The following PHKG2 variants were observed in gnomAD, a reference collection of about 807,000 sequenced individuals.
PHKG2 encodes the protein phosphorylase b kinase gamma catalytic chain, liver/testis isoform.
In PHKG2, 28 loss-of-function variants were observed where a neutral mutation model predicts 44.5. That is an observed-to-expected ratio of 0.63 (90% CI 0.47 to 0.86). The LOEUF (loss-of-function observed/expected upper bound fraction) is 0.86. Among genes scored for constraint, PHKG2 ranks in the 40% least tolerant of loss-of-function variants. The pLI is 0.00. For synonymous variants in PHKG2, 220 were observed against 211.2 expected (o/e 1.04, Z -0.36); for missense variants, 498 against 547.5 (o/e 0.91, Z 0.90).
At chr16:30,753,017 C>T (rs2151307936) in intron 4 of PHKG2, 2 of 593,904 alleles carry the variant, frequency 3.4e-6, no homozygotes, top group Admixed American at 2.8e-5. Context: ...TTATTTTTGC[C>T]ATAATTGCCC....
Position 30,760,529 on chromosome 16 carries a change from A to G in PHKG2, c.*3432A>G, listed in dbSNP as rs986862898. 6.2e-7 allele frequency: 1 copy of G among 1,606,834 alleles called. No homozygotes were observed. Among genetic ancestry groups the G allele is most frequent in the African/African-American group, 1.3e-5 (1 of 74,686 alleles). ...TACACCCACCACATGCTTTGGAGTC[A>G]GCCATTCCTCATGTTTTCCCAACCT... On this transcript the variant is annotated 3_prime_UTR_variant, in exon 10 of 10. Coordinates refer to ENST00000563588, the MANE Select transcript of PHKG2 (RefSeq NM_000294.3).
In PHKG2 at chr16:30,751,616, C is replaced by A; in HGVS notation, c.326+13C>A. On this transcript the variant is annotated intron_variant, in intron 4 of 9. Coordinates refer to ENST00000563588, the MANE Select transcript of PHKG2 (RefSeq NM_000294.3). ...TGGTGTTTGACCTGTGAGTATCTCC[C>A]TGCCACCATCTGAGAAGCCTCCTCC... is the stretch of plus-strand genomic sequence containing the variant. 5 of 1,608,300 alleles carry A rather than the reference C, an allele frequency of 3.1e-6. No homozygotes were observed. Among genetic ancestry groups the A allele is most frequent in the Non-Finnish European group, 4.3e-6 (5 of 1,174,682 alleles).
intron 3 of PHKG2, 50 bp downstream of exon 3, chr16:30,751,331 C>T (rs754494810): frequency 6.3e-7 from 1 of 1,581,874 alleles, no homozygotes; most frequent in Non-Finnish European, 8.6e-7. Context: ...CCACCTCCTG[C>T]TGGCCCTGCC....
chr16:30,748,619 T>A, intron 1 of PHKG2, 129 bp downstream of exon 1: 6 of 516,648 alleles, frequency 1.2e-5, no homozygotes, highest in Non-Finnish European at 1.4e-5. Context: ...CTCCCTGCCC[T>A]GCCATCCTCC....
Position 30,753,423 on chromosome 16 carries a change from T to C in PHKG2, c.422T>C (p.Val141Ala), listed in dbSNP as rs375764924. ...ATCATGCGGTCTCTGCTGGAAGCAG[T>C]GAGCTTTCTCCATGCCAACAACATT... Reference protein sequence around the residue: ...RSIMRSLLEAVSFLHANNIVH... With the variant: ...RSIMRSLLEAASFLHANNIVH... Residue 141 changes from valine to alanine, a missense_variant, in exon 6 of 10, where the codon GTG becomes GCG. By Grantham distance (64) the Val-to-Ala change is moderately conservative. Coordinates refer to ENST00000563588, the MANE Select transcript of PHKG2 (RefSeq NM_000294.3). The C allele has an allele frequency of 4.3e-6, 7 of 1,614,064 alleles. No individual in the cohort carries two copies. The highest frequency in any genetic ancestry group is 5.9e-6 in the Non-Finnish European group (7 of 1,180,040).
chr16:30,759,699 C>G lies in PHKG2; in HGVS notation c.*2602C>G. The G allele has an allele frequency of 6.2e-7, 1 of 1,613,282 alleles. No individual in the cohort carries two copies. Among genetic ancestry groups the G allele is most frequent in the South Asian group, 1.1e-5 (1 of 91,016 alleles). On this transcript the variant is annotated 3_prime_UTR_variant, in exon 10 of 10. Transcript: ENST00000563588. ...GGACACTGGTGAAGTAGCGGTAGCA[C>G]TCCTCCACGTTGCCCAAGGGGGTTG... is the stretch of plus-strand genomic sequence containing the variant.
In PHKG2 at chr16:30,761,134, G is replaced by C. The variant is rs2053751846; in HGVS notation, c.*4037G>C. 1.3e-6 allele frequency: 2 copies of C among 1,568,366 alleles called. No homozygotes were observed. Among genetic ancestry groups the C allele is most frequent in the Non-Finnish European group, 1.7e-6 (2 of 1,143,734 alleles). On this transcript the variant is annotated 3_prime_UTR_variant, in exon 10 of 10. Coordinates refer to ENST00000563588, the MANE Select transcript of PHKG2 (RefSeq NM_000294.3). The stretch of plus-strand genomic sequence containing the variant: ...AATGGGGATGCCCTGGCCACAGACA[G>C]GACTGTTGGGGAGACAATAAAGAAC...
intron 4 of PHKG2, 72 bp downstream of exon 4, chr16:30,751,675 AGTGG>A: frequency 7.9e-7 from 1 of 1,273,864 alleles, no homozygotes; most frequent in Non-Finnish European, 1.2e-6. Flanking sequence ...TTTGTGGTGC[AGTGG>A]GCTGGACCCA....
Position 30,759,895 on chromosome 16 carries a change from C to T in PHKG2, c.*2798C>T. On this transcript the variant is annotated 3_prime_UTR_variant, in exon 10 of 10. Coordinates refer to ENST00000563588, the MANE Select transcript of PHKG2 (RefSeq NM_000294.3). ...ATACTGAATACCCACTATATGCCCA[C>T]TGTATGGTTTTCGGCACTGAACAAG... The T allele has an allele frequency of 6.9e-7, 1 of 1,443,866 alleles. No individual in the cohort carries two copies. The highest frequency in any genetic ancestry group is 9.1e-7 in the Non-Finnish European group (1 of 1,102,728). 89.4% of individuals were successfully genotyped at this position (1,443,866 alleles called of 1,614,324 possible).
rs570646711 is a variant in PHKG2 at position 30,757,279 on chromosome 16, A to G, written c.*182A>G. ...GACTCTGAGATCAGAGCTGGGGTGGAAGGGAGCCATTCTGAACGCCACGCC... is the reference window on the plus strand; with the variant it reads ...GACTCTGAGATCAGAGCTGGGGTGGGAGGGAGCCATTCTGAACGCCACGCC... On this transcript the variant is annotated 3_prime_UTR_variant, in exon 10 of 10. Transcript: ENST00000563588. 1.9e-6 allele frequency: 3 copies of G among 1,548,564 alleles called. No homozygotes were observed. In the African/African-American group the frequency reaches 4.1e-5, roughly 21 times the overall value.
chr16:30,758,794 A>G lies in PHKG2; in HGVS notation c.*1697A>G. The G allele has an allele frequency of 1.4e-6, 1 of 739,450 alleles. No homozygotes were observed. Among genetic ancestry groups the G allele is most frequent in the South Asian group, 1.9e-5 (1 of 51,948 alleles). The allele number at this position is 739,450 out of a possible 1,614,324, so 45.8% of individuals were successfully genotyped here. On this transcript the variant is annotated 3_prime_UTR_variant, in exon 10 of 10. Transcript: ENST00000563588. ...GGTCGCGAACTCCTGAGCTCAGGCA[A>G]TCCGCCTGCCTCAGATTGTGCTGGG...
At chr16:30,753,832 G>T (rs561183585) in intron 6 of PHKG2, among the ~76,000 whole-genome samples, 8 of 152,178 alleles carry the variant, frequency 5.3e-5, no homozygotes, top group Non-Finnish European at 1.2e-4. Context: ...CGCCAATTCA[G>T]CCTGAGCCCC....
rs760037730 is a variant in PHKG2, at chr16:30,756,796, C to G, written c.928-8C>G. The G allele has an allele frequency of 6.2e-6, 10 of 1,614,012 alleles. No individual in the cohort carries two copies. Among genetic ancestry groups the G allele is most frequent in the Non-Finnish European group, 8.5e-6 (10 of 1,180,030 alleles). ...CTGCACTAGAGCTCACCCTGCCCCC[C>G]TTCCCAGGTGGCAGTGTGGACAGTG... On this transcript the variant is annotated splice_region_variant and splice_polypyrimidine_tract_variant and intron_variant, in intron 9 of 9. Coordinates refer to ENST00000563588, the MANE Select transcript of PHKG2 (RefSeq NM_000294.3).
At position 30,757,047 on chromosome 16, in the gene PHKG2, G is replaced by A; in HGVS notation, c.1171G>A (p.Gly391Arg). Residue 391 changes from glycine (G) to arginine (R), a missense_variant, in exon 10 of 10, where the codon GGA becomes AGA. Physicochemically the swap from Gly to Arg is moderately radical, Grantham distance 125. Transcript: ENST00000563588. ...PFPIMGPEEE[G>R]DSAAITEDEA... ...TCCCATCATGGGCCCTGAAGAGGAG[G>A]GAGACTCTGCTGCTATAACTGAGGA... The A allele has an allele frequency of 6.2e-7, 1 of 1,612,990 alleles. No homozygotes were observed. The highest frequency in any genetic ancestry group is 8.5e-7 in the Non-Finnish European group (1 of 1,180,032).
At position 30,757,058 on chromosome 16, in the gene PHKG2, T is replaced by A; in HGVS notation, c.1182T>A (p.Ala394=). 1.2e-6 allele frequency: 2 copies of A among 1,613,212 alleles called. No individual in the cohort carries two copies. Among genetic ancestry groups the A allele is most frequent in the Non-Finnish European group, 1.7e-6 (2 of 1,180,034 alleles). The change falls in exon 10 of 10, where the codon GCT becomes GCA. Residue 394 remains alanine, a synonymous_variant. Coordinates refer to ENST00000563588, the MANE Select transcript of PHKG2 (RefSeq NM_000294.3). The part of the protein sequence containing the change: ...IMGPEEEGDS[A]AITEDEAVLV... ...GCCCTGAAGAGGAGGGAGACTCTGC[T>A]GCTATAACTGAGGATGAGGCCGTGC...
chr16:30,753,470 G>A lies in PHKG2; in HGVS notation c.469G>A (p.Glu157Lys), dbSNP rs752961445. Residue 157 changes from glutamate (E) to lysine (K), a missense_variant, in exon 6 of 10, where the codon GAG (glutamate) becomes AAG (lysine). Glu to Lys is a moderately conservative substitution (Grantham distance 56). Coordinates refer to ENST00000563588, the MANE Select transcript of PHKG2 (RefSeq NM_000294.3). The part of the protein sequence containing the change: ...NNIVHRDLKP[E>K]NILLDDNMQI... ...CATTGTGCATCGAGATCTGAAGCCC[G>A]AGAATATTCTCCTAGATGACAATAT... The A allele has an allele frequency of 6.2e-6, 10 of 1,614,052 alleles. No individual in the cohort carries two copies. Among genetic ancestry groups the A allele is most frequent in the East Asian group, 4.5e-5 (2 of 44,896 alleles).
At chr16:30,752,889 C>G in intron 4 of PHKG2, 1 of 377,100 alleles carries the variant, frequency 2.7e-6, no homozygotes, top group Non-Finnish European at 4.9e-6. Context: ...AACCTTTGTG[C>G]CACAAAAAAC....
chr16:30,753,685 G>T, intron 6 of PHKG2, 128 bp downstream of exon 6: 1 of 886,720 alleles, frequency 1.1e-6, no homozygotes, highest in East Asian at 2.5e-5. Context: ...CACTTGCCAA[G>T]TATCCTGTGG....
chr16:30,749,874 G>A (rs1191875118), intron 2 of PHKG2, among the ~76,000 whole-genome samples: 1 of 152,182 alleles, frequency 6.6e-6, no homozygotes, highest in Non-Finnish European at 1.5e-5. Context: ...ATAGGTAGAG[G>A]TCTGTATCAA....
Sources: allele counts gnomAD v4.1 joint callset (sites outside exome capture counted in the v4.1 genomes callset), GRCh38; gene constraint gnomAD v4.1.1; transcripts MANE v1.5; gene names NCBI Gene and HGNC (gene_info 2026-07-23, HGNC 2026-07-21).